The following AMMECR1 variants were observed in gnomAD, a reference collection of about 807,000 sequenced individuals.
The protein encoded by AMMECR1 is AMMECR nuclear protein 1.
In AMMECR1, 3 loss-of-function variants were observed where a neutral mutation model predicts 22.5. That is an observed-to-expected ratio of 0.13 (90% CI 0.06 to 0.35). The LOEUF is 0.35. Ranked by LOEUF, AMMECR1 falls within the 10% of genes least tolerant of loss-of-function variation. The pLI, the probability that AMMECR1 is intolerant of heterozygous loss-of-function variation, is 1.00. For synonymous variants in AMMECR1, 130 were observed against 116.7 expected, an observed-to-expected ratio of 1.11 and a Z score of -0.74; for missense variants, 235 against 278.7, an observed-to-expected ratio of 0.84 and a Z score of 1.12.
intron 2 of AMMECR1, among the ~76,000 whole-genome samples, chrX:110,365,458 C>G (rs1418394287): frequency 8.9e-6 from 1 of 112,125 alleles, no homozygotes. Context: ...GTTCATGTGA[C>G]AATATCATTT....
At chrX:110,346,881 G>A (rs769726432) in intron 2 of AMMECR1, 1 of 626,988 alleles carries the variant, frequency 1.6e-6, no homozygotes. Flanking sequence ...CACTTTCTTC[G>A]TAGCGGCGAC....
intron 2 of AMMECR1, among the ~76,000 whole-genome samples, chrX:110,339,138 C>T (rs918473685): frequency 1.1e-4 from 12 of 111,178 alleles, no homozygotes; most frequent in Non-Finnish European, 1.1e-4. Context: ...GTGACAAGCG[C>T]GTGCAAGTTA....
chrX:110,268,400 T>C (rs1352918911), intron 1 of AMMECR1, among the ~76,000 whole-genome samples: 1 of 112,459 alleles, frequency 8.9e-6, no homozygotes, highest in Non-Finnish European at 1.9e-5. Flanking sequence ...GGGACTCTAA[T>C]TTCTCATTAC....
intron 2 of AMMECR1, among the ~76,000 whole-genome samples, chrX:110,396,440 C>T (rs1569421669): frequency 9.0e-6 from 1 of 111,441 alleles, no homozygotes; most frequent in Admixed American, 9.5e-5. Flanking sequence ...ATTATTATCC[C>T]CCCCATCGCC....
chrX:110,242,508 T>C (rs2067638522), intron 2 of AMMECR1, among the ~76,000 whole-genome samples: 1 of 112,012 alleles, frequency 8.9e-6, no homozygotes, highest in African/African-American at 3.2e-5. Flanking sequence ...AGATGTTATG[T>C]CTCTTTATAT....
At chrX:110,263,443 TG>T (rs2148197998) in intron 2 of AMMECR1, among the ~76,000 whole-genome samples, 1 of 111,852 alleles carries the variant, frequency 8.9e-6, no homozygotes, top group Non-Finnish European at 1.9e-5. Context: ...TGTGAGCTAC[TG>T]CATACCTTCA....
At chrX:110,235,717 G>T (rs2067596786) in intron 2 of AMMECR1, among the ~76,000 whole-genome samples, 1 of 111,634 alleles carries the variant, frequency 9.0e-6, no homozygotes, top group African/African-American at 3.3e-5. Flanking sequence ...ACAAGGACAG[G>T]AAACCAAACA....
At chrX:110,375,558 A>G (rs2068370511) in intron 2 of AMMECR1, among the ~76,000 whole-genome samples, 1 of 110,885 alleles carries the variant, frequency 9.0e-6, no homozygotes, top group Admixed American at 9.5e-5. Flanking sequence ...GAATGAATGA[A>G]TGAATCAATC....
chrX:110,252,117 A>G (rs1236667291), intron 2 of AMMECR1, among the ~76,000 whole-genome samples: 1 of 111,132 alleles, frequency 9.0e-6, no homozygotes, highest in Non-Finnish European at 1.9e-5. Flanking sequence ...TTAGAATTAT[A>G]CCCATTTTAC....
chrX:110,255,165 A>G (rs1253975717), intron 2 of AMMECR1, among the ~76,000 whole-genome samples: 1 of 112,460 alleles, frequency 8.9e-6, no homozygotes, highest in African/African-American at 3.2e-5. Context: ...TTTTAAGACC[A>G]CATTGTTTTG....
At position 110,258,012 on chromosome X, in the gene AMMECR1, C is replaced by T. The variant is rs909322300; in HGVS notation, c.584+6477G>A. ...CTATCAAACTTAAGAACCAAGAGCCCTGGTGCTGAAAAAGCCCATTTTCAG... is the reference window on the plus strand; with the variant it reads ...CTATCAAACTTAAGAACCAAGAGCCTTGGTGCTGAAAAAGCCCATTTTCAG... On this transcript the variant is annotated intron_variant, in intron 2 of 5. Coordinates refer to ENST00000262844, the MANE Select transcript of AMMECR1 (RefSeq NM_015365.3). Among the ~76,000 whole-genome samples, 24 of 111,617 alleles carry T rather than the reference C, an allele frequency of 2.2e-4. 1 individual carries two copies. The highest frequency in any genetic ancestry group is 5.7e-5 in the Non-Finnish European group (3 of 53,077).
At chrX:110,362,094 T>C (rs1227433763) in intron 2 of AMMECR1, among the ~76,000 whole-genome samples, 1 of 111,916 alleles carries the variant, frequency 8.9e-6, no homozygotes, top group Non-Finnish European at 1.9e-5. Context: ...ATGATTTATT[T>C]TACTGAATGA....
intron 2 of AMMECR1, among the ~76,000 whole-genome samples, chrX:110,379,478 C>T (rs1266000647): frequency 8.9e-6 from 1 of 112,220 alleles, no homozygotes; most frequent in Non-Finnish European, 1.9e-5. Flanking sequence ...GCTTTCTGCT[C>T]AGTCCCATTT....
intron 2 of AMMECR1, among the ~76,000 whole-genome samples, chrX:110,352,834 C>T (rs1176003440): frequency 1.8e-5 from 2 of 112,032 alleles, no homozygotes; most frequent in African/African-American, 6.5e-5. Flanking sequence ...AGACAGATAA[C>T]TGCCACATAA....
intron 2 of AMMECR1, among the ~76,000 whole-genome samples, chrX:110,406,375 C>T (rs377074480): frequency 3.6e-5 from 4 of 110,165 alleles, no homozygotes; most frequent in African/African-American, 1.0e-4. Flanking sequence ...TCTGATCTTG[C>T]GATAGTTTGC....
At chrX:110,204,188 A>AT (rs888138341) in intron 3 of AMMECR1, among the ~76,000 whole-genome samples, 13 of 110,353 alleles carry the variant, frequency 1.2e-4, no homozygotes, top group Non-Finnish European at 1.5e-4. Context: ...GTAGCTTTGA[A>AT]TTTTTTTTTC....
chrX:110,373,619 A>G (rs997177924), intron 2 of AMMECR1, among the ~76,000 whole-genome samples: 4 of 112,674 alleles, frequency 3.6e-5, no homozygotes, highest in African/African-American at 1.3e-4. Context: ...TTATGTCCCA[A>G]GAAACTACAG....
At chrX:110,411,566 A>G (rs2068642027) in intron 2 of AMMECR1, among the ~76,000 whole-genome samples, 1 of 112,177 alleles carries the variant, frequency 8.9e-6, no homozygotes, top group African/African-American at 3.2e-5. Flanking sequence ...GCAACGAGAA[A>G]CTGTAGAATC....
chrX:110,300,761 G>A (rs762543280), intron 1 of AMMECR1, among the ~76,000 whole-genome samples: 10 of 111,859 alleles, frequency 8.9e-5, no homozygotes, highest in South Asian at 7.4e-4. Context: ...ACTGACATTC[G>A]AAGAAGAGAC....
Sources: gnomAD v4.1 joint callset for allele counts (sites outside exome capture counted in the v4.1 genomes callset) on GRCh38, gnomAD v4.1.1 for gene constraint, MANE v1.5 for transcripts, NCBI Gene and HGNC (gene_info 2026-07-23, HGNC 2026-07-21) for gene names.